Variants in SOX6 observed in about 807,000 individuals in gnomAD.
SOX6 encodes transcription factor SOX-6.
In SOX6, 11 loss-of-function variants were observed where a neutral mutation model predicts 97.8. The observed-to-expected ratio is 0.11, with a 90% confidence interval of 0.07 to 0.19. The LOEUF (loss-of-function observed/expected upper bound fraction) is 0.19, where lower values mean the gene tolerates loss of function less well. SOX6 is among the 10% of genes least tolerant of loss of function. The pLI is 1.00. For missense variants in SOX6, 810 were observed against 1,039.5 expected (o/e 0.78, Z 3.04); for synonymous variants, 360 against 371.4 (o/e 0.97, Z 0.35).
At chr11:16,220,859 T>G (rs890854733) in intron 4 of SOX6, among the ~76,000 whole-genome samples, 4 of 152,040 alleles carry the variant, frequency 2.6e-5, no homozygotes, top group Non-Finnish European at 5.9e-5. Context: ...CAAACCCACA[T>G]GTGATCAACT....
At chr11:16,394,849 A>C (rs942824041) in intron 1 of SOX6, among the ~76,000 whole-genome samples, 2 of 151,886 alleles carry the variant, frequency 1.3e-5, no homozygotes, top group African/African-American at 2.4e-5. Context: ...TTGAAAGTTC[A>C]GTTCCTGTGT....
intron 3 of SOX6, among the ~76,000 whole-genome samples, chr11:16,302,048 C>T (rs1855274885): frequency 6.6e-6 from 1 of 152,084 alleles, no homozygotes; most frequent in Non-Finnish European, 1.5e-5. Flanking sequence ...CTCAACTATA[C>T]CTCAAACAGC....
At chr11:16,064,205 A>G (rs1318454696) in intron 9 of SOX6, among the ~76,000 whole-genome samples, 5 of 151,732 alleles carry the variant, frequency 3.3e-5, no homozygotes, top group Non-Finnish European at 5.9e-5. Flanking sequence ...ATAGACTGAT[A>G]AGATAAAAAG....
rs1473538966 is a variant in SOX6 at position 16,338,224 on chromosome 11, T to A, written c.237+2788A>T. Among the ~76,000 whole-genome samples, 3 of 152,072 alleles carry A rather than the reference T, an allele frequency of 2.0e-5. No individual in the cohort carries two copies. In the East Asian group the frequency reaches 5.8e-4, roughly 29 times the overall value. On this transcript the variant is annotated intron_variant, in intron 2 of 15. Transcript: ENST00000683767. ...TTTTTGCGACTCTAAGTACAGAATA[T>A]GATCCATTAAAAAACTACAAGTTTT... is the stretch of plus-strand genomic sequence containing the variant.
intron 7 of SOX6, among the ~76,000 whole-genome samples, chr11:16,102,607 A>C (rs1848976786): frequency 6.6e-6 from 1 of 152,028 alleles, no homozygotes; most frequent in Non-Finnish European, 1.5e-5. Flanking sequence ...TGGAGGCACC[A>C]CATTACCTGA....
At chr11:16,629,852 C>G (rs978695577) in intron 3 of SOX6, among the ~76,000 whole-genome samples, 1 of 152,086 alleles carries the variant, frequency 6.6e-6, no homozygotes, top group African/African-American at 2.4e-5. Context: ...GGTAATTTAT[C>G]AATTTCCTCT....
intron 6 of SOX6, among the ~76,000 whole-genome samples, chr11:16,171,000 T>C (rs1851023839): frequency 6.6e-6 from 1 of 152,014 alleles, no homozygotes; most frequent in African/African-American, 2.4e-5. Flanking sequence ...GGAAGGTCTG[T>C]GGAGAAATGA....
intron 9 of SOX6, among the ~76,000 whole-genome samples, chr11:16,091,620 AT>A (rs1236693032): frequency 6.6e-6 from 1 of 152,006 alleles, no homozygotes; most frequent in African/African-American, 2.4e-5. Flanking sequence ...GCTTGTATTC[AT>A]TTTTGCAAAA....
chr11:16,625,984 A>T (rs1848618319), intron 3 of SOX6, among the ~76,000 whole-genome samples: 1 of 152,230 alleles, frequency 6.6e-6, no homozygotes, highest in Non-Finnish European at 1.5e-5. Context: ...GGCTGGTCAG[A>T]GGAGCACAAA....
chr11:16,323,231 G>A (rs1255595065), intron 2 of SOX6, among the ~76,000 whole-genome samples: 1 of 152,002 alleles, frequency 6.6e-6, no homozygotes, highest in Non-Finnish European at 1.5e-5. Context: ...GTAGATGATT[G>A]AAAAAGTACA....
intron 2 of SOX6, among the ~76,000 whole-genome samples, chr11:16,733,633 G>T (rs1282222188): frequency 6.6e-6 from 1 of 150,798 alleles, no homozygotes. Context: ...TGCAGATGAT[G>T]GGTTGATGGG....
intron 1 of SOX6, among the ~76,000 whole-genome samples, chr11:16,346,781 T>C (rs1201848058): frequency 6.6e-6 from 1 of 152,050 alleles, no homozygotes; most frequent in Non-Finnish European, 1.5e-5. Flanking sequence ...AGCTGTCAAA[T>C]CAATGGAGAT....
chr11:16,305,694 TATG>T (rs2134280761), intron 3 of SOX6, among the ~76,000 whole-genome samples: 1 of 152,334 alleles, frequency 6.6e-6, no homozygotes, highest in South Asian at 2.1e-4. Flanking sequence ...GATTTATACA[TATG>T]ATGCATACCA....
At chr11:16,072,653 C>A (rs1848253148) in intron 9 of SOX6, among the ~76,000 whole-genome samples, 2 of 152,198 alleles carry the variant, frequency 1.3e-5, no homozygotes, top group African/African-American at 4.8e-5. Context: ...TCATCAGATT[C>A]TCCAAGGGCA....
At position 16,066,571 on chromosome 11, in the gene SOX6, T is replaced by C. The variant is rs532683673; in HGVS notation, c.1102-10670A>G. ...TACACAGTGGAGTACTATTCAGTCA[T>C]ATAAAAATGAGATTGTCATTTGCAA... On this transcript the variant is annotated intron_variant, in intron 9 of 15. Coordinates refer to ENST00000683767, the MANE Select transcript of SOX6 (RefSeq NM_001367873.1). Among the ~76,000 whole-genome samples the C allele has an allele frequency of 6.6e-5, 10 of 152,272 alleles. 1 individual carries two copies. The South Asian group carries it at 1.7e-3, about 25-fold the overall frequency.
intron 15 of SOX6, among the ~76,000 whole-genome samples, chr11:15,981,102 C>T (rs766465563): frequency 2.0e-5 from 3 of 152,044 alleles, no homozygotes; most frequent in South Asian, 2.1e-4. Context: ...CAAGCTTTGT[C>T]TATCAGAAAT....
At chr11:16,465,673 G>C (rs1210662876) in intron 1 of SOX6, 1 of 152,140 alleles carries the variant, frequency 6.6e-6, no homozygotes, top group Non-Finnish European at 1.5e-5. Flanking sequence ...GGATAAAAAA[G>C]GGAAAAACAA....
At chr11:16,201,949 G>A (rs959889959) in intron 4 of SOX6, among the ~76,000 whole-genome samples, 2 of 151,996 alleles carry the variant, frequency 1.3e-5, no homozygotes, top group African/African-American at 4.8e-5. Context: ...GTATTTTTAA[G>A]AGAGATTTTT....
chr11:16,611,396 C>A (rs1411198498), intron 4 of SOX6, among the ~76,000 whole-genome samples: 1 of 152,196 alleles, frequency 6.6e-6, no homozygotes, highest in Non-Finnish European at 1.5e-5. Flanking sequence ...TTCAAAGCTA[C>A]TGTATAAATT....
Sources: gnomAD v4.1 joint callset for allele counts (sites outside exome capture counted in the v4.1 genomes callset) on GRCh38, gnomAD v4.1.1 for gene constraint, MANE v1.5 for transcripts, NCBI Gene and HGNC (gene_info 2026-07-23, HGNC 2026-07-21) for gene names.